Variants in KCNH1 observed in about 807,000 individuals in gnomAD.
KCNH1 encodes voltage-gated delayed rectifier potassium channel KCNH1.
In KCNH1, 27 loss-of-function variants were observed where a neutral mutation model predicts 69.2. That is an observed-to-expected ratio of 0.39 (90% confidence interval 0.29 to 0.54). KCNH1 has a LOEUF of 0.54. Among genes scored for constraint, KCNH1 ranks in the 20% least tolerant of loss-of-function variants. KCNH1 has a pLI of 0.68. For missense variants in KCNH1, 798 were observed against 1,261.6 expected (o/e 0.63, Z 5.57); for synonymous variants, 456 against 487.7 (o/e 0.93, Z 0.86).
At chr1:211,048,036 C>G (rs1002080824) in intron 5 of KCNH1, among the ~76,000 whole-genome samples, 4 of 152,048 alleles carry the variant, frequency 2.6e-5, no homozygotes, top group Admixed American at 2.6e-4. Context: ...CATGAATAGA[C>G]AGCTCTCAAA....
At chr1:210,847,820 A>G (rs953259368) in intron 7 of KCNH1, among the ~76,000 whole-genome samples, 7 of 151,332 alleles carry the variant, frequency 4.6e-5, no homozygotes, top group East Asian at 1.9e-4. Flanking sequence ...AAATGTGGGA[A>G]AAAAAAAAGA....
At chr1:210,685,426 C>G (rs1681389356) in intron 10 of KCNH1, among the ~76,000 whole-genome samples, 1 of 152,160 alleles carries the variant, frequency 6.6e-6, no homozygotes, top group South Asian at 2.1e-4. Flanking sequence ...CACCCAAAAC[C>G]TGTCCCAGGG....
intron 9 of KCNH1, among the ~76,000 whole-genome samples, chr1:210,795,512 A>G (rs561993010): frequency 1.1e-4 from 17 of 152,236 alleles, no homozygotes; most frequent in Admixed American, 1.0e-3. Context: ...AGGAATATAA[A>G]TCATCCTTGG....
intron 6 of KCNH1, among the ~76,000 whole-genome samples, chr1:210,920,582 T>C (rs991787825): frequency 5.1e-4 from 77 of 152,288 alleles, no homozygotes; most frequent in African/African-American, 1.9e-3. Context: ...CATTAGCAAG[T>C]TATGAAATTA....
At chr1:211,016,835 G>A (rs961030896) in intron 6 of KCNH1, among the ~76,000 whole-genome samples, 10 of 146,844 alleles carry the variant, frequency 6.8e-5, no homozygotes, top group African/African-American at 2.3e-4. Context: ...CCTGAACCTG[G>A]GAGGCAGAGG....
At chr1:210,915,132 C>G (rs12028941) in intron 7 of KCNH1, among the ~76,000 whole-genome samples, 1 of 152,114 alleles carries the variant, frequency 6.6e-6, no homozygotes, top group Admixed American at 6.5e-5. Flanking sequence ...CTTCCCCTGA[C>G]AATTCTTCTT....
chr1:211,124,360 G>A (rs1156592933), intron 1 of KCNH1, among the ~76,000 whole-genome samples: 1 of 152,128 alleles, frequency 6.6e-6, no homozygotes, highest in Admixed American at 6.5e-5. Flanking sequence ...TGCACAAAAT[G>A]TTAAGAAACC....
intron 5 of KCNH1, among the ~76,000 whole-genome samples, chr1:211,021,067 C>T (rs1689579612): frequency 6.6e-6 from 1 of 152,052 alleles, no homozygotes; most frequent in Non-Finnish European, 1.5e-5. Context: ...GAAAACCAAA[C>T]ATTGTATGTC....
At chr1:210,806,460 A>C (rs1684552043) in intron 7 of KCNH1, among the ~76,000 whole-genome samples, 1 of 152,048 alleles carries the variant, frequency 6.6e-6, no homozygotes. Flanking sequence ...CCCTTCTCAG[A>C]TAAATGATTT....
Position 211,133,673 on chromosome 1 carries a change from G to A in KCNH1, c.79+194C>T, listed in dbSNP as rs1398180922. Reference sequence around the variant, plus strand: ...CCCAGAAGAGCTCTCCTGTTAGGATGGGGACCCATCAGACCCCGCCCCGCC... The same window carrying A: ...CCCAGAAGAGCTCTCCTGTTAGGATAGGGACCCATCAGACCCCGCCCCGCC... On this transcript the variant is annotated intron_variant, in intron 1 of 10. Coordinates refer to ENST00000271751, the MANE Select transcript of KCNH1 (RefSeq NM_172362.3). The surrounding 1 kb of genome is among the most constrained non-coding windows in gnomAD (Gnocchi z 5.4). Among the ~76,000 whole-genome samples, 1 of 152,106 alleles carries A rather than the reference G, an allele frequency of 6.6e-6. No homozygotes were observed. Among genetic ancestry groups the A allele is most frequent in the Non-Finnish European group, 1.5e-5 (1 of 68,020 alleles).
At chr1:211,126,467 G>A (rs921558538) in intron 1 of KCNH1, among the ~76,000 whole-genome samples, 3 of 149,956 alleles carry the variant, frequency 2.0e-5, no homozygotes, top group Non-Finnish European at 3.0e-5. Flanking sequence ...CCGAGATTGC[G>A]CCACTGCATT....
chr1:210,799,050 A>G (rs1270601761), intron 8 of KCNH1, among the ~76,000 whole-genome samples: 1 of 152,194 alleles, frequency 6.6e-6, no homozygotes, highest in African/African-American at 2.4e-5. Context: ...TCTAATGGGA[A>G]GAGACAAATA....
chr1:210,967,082 C>A (rs1235969933), intron 6 of KCNH1, among the ~76,000 whole-genome samples: 1 of 149,740 alleles, frequency 6.7e-6, no homozygotes, highest in Non-Finnish European at 1.5e-5. Context: ...AACAGGAAAC[C>A]ACACACCACA....
chr1:210,735,220 A>G (rs1043855910), intron 10 of KCNH1, among the ~76,000 whole-genome samples: 1 of 152,122 alleles, frequency 6.6e-6, no homozygotes, highest in Non-Finnish European at 1.5e-5. Context: ...TTTTCTGTGA[A>G]GACTTGTGAG....
At chr1:210,780,160 A>G (rs1469633416) in intron 9 of KCNH1, among the ~76,000 whole-genome samples, 2 of 152,220 alleles carry the variant, frequency 1.3e-5, no homozygotes, top group Non-Finnish European at 2.9e-5. Context: ...GAAGAGTGGC[A>G]GGGAAGCAAT....
chr1:210,979,866 T>C (rs1688679120), intron 6 of KCNH1, among the ~76,000 whole-genome samples: 1 of 152,186 alleles, frequency 6.6e-6, no homozygotes, highest in African/African-American at 2.4e-5. Flanking sequence ...TGACAGGAAA[T>C]TCATGCTAAC....
chr1:210,972,250 C>T (rs1206297849), intron 6 of KCNH1, among the ~76,000 whole-genome samples: 5 of 152,036 alleles, frequency 3.3e-5, no homozygotes, highest in African/African-American at 9.7e-5. Flanking sequence ...CTTACAAGGA[C>T]CCCATGAGGC....
intron 5 of KCNH1, among the ~76,000 whole-genome samples, chr1:211,040,745 C>T (rs1305531502): frequency 6.6e-6 from 1 of 152,178 alleles, no homozygotes; most frequent in Non-Finnish European, 1.5e-5. Flanking sequence ...CCCTGCTACA[C>T]CTCACTCTTA....
chr1:210,793,772 T>C (rs1684254989), intron 9 of KCNH1, among the ~76,000 whole-genome samples: 2 of 152,240 alleles, frequency 1.3e-5, no homozygotes, highest in Admixed American at 1.3e-4. Flanking sequence ...TAAGGATTAC[T>C]TGCATATTTT....
Sources: allele counts gnomAD v4.1 joint callset (sites outside exome capture counted in the v4.1 genomes callset), GRCh38; gene constraint gnomAD v4.1.1; non-coding constraint Gnocchi (gnomAD v3.1); transcripts MANE v1.5; gene names NCBI Gene and HGNC (gene_info 2026-07-23, HGNC 2026-07-21).